Variants in SLX4IP observed in about 807,000 individuals in gnomAD.
The protein encoded by SLX4IP is protein SLX4IP.
A neutral mutation model predicts 32.9 loss-of-function variants in SLX4IP; 34 were observed. The ratio of observed to expected loss-of-function variants is 1.03; its 90% CI spans 0.79 to 1.38. The LOEUF is 1.38. Ranked by LOEUF, SLX4IP falls within the 40% of genes most tolerant of loss-of-function variation. The pLI is 0.00. For synonymous variants in SLX4IP, 172 were observed against 171.7 expected, an observed-to-expected ratio of 1.00 and a Z score of -0.01; for missense variants, 444 against 479.0, an observed-to-expected ratio of 0.93 and a Z score of 0.68.
At position 10,625,855 on chromosome 20, in the gene SLX4IP, C is replaced by T. The variant is rs2067165599; in HGVS notation, c.*2476C>T. ...TTTTTCTTGCACATGGCTGAAACAC[C>T]CCTGGCTCTCTTGTTATTTGAGTGG... On this transcript the variant is annotated 3_prime_UTR_variant, in exon 8 of 8. Coordinates refer to ENST00000334534, the MANE Select transcript of SLX4IP (RefSeq NM_001009608.3). 6.6e-6 allele frequency: 1 copy of T among 152,022 alleles called. No individual in the cohort carries two copies. The highest frequency in any genetic ancestry group is 1.9e-4 in the East Asian group (1 of 5,182). The allele number at this position is 152,022 out of a possible 1,614,324, so 9.4% of individuals were successfully genotyped here.
intron 2 of SLX4IP, among the ~76,000 whole-genome samples, chr20:10,466,717 TC>T (rs1795731674): frequency 6.6e-6 from 1 of 152,126 alleles, no homozygotes; most frequent in African/African-American, 2.4e-5. Context: ...TTACTTTTGC[TC>T]TTGATGGGGT....
At chr20:10,541,194 C>T (rs2066101905) in intron 2 of SLX4IP, among the ~76,000 whole-genome samples, 1 of 152,166 alleles carries the variant, frequency 6.6e-6, no homozygotes, top group Admixed American at 6.5e-5. Flanking sequence ...ACAAGGAAAA[C>T]ACCTTTAAAA....
chr20:10,551,524 T>G (rs2066218008), intron 2 of SLX4IP, among the ~76,000 whole-genome samples: 1 of 152,196 alleles, frequency 6.6e-6, no homozygotes, highest in Non-Finnish European at 1.5e-5. Context: ...AAGTATTCAC[T>G]GAGGGCTGGT....
chr20:10,514,662 G>A (rs566808714), intron 2 of SLX4IP, among the ~76,000 whole-genome samples: 4 of 152,230 alleles, frequency 2.6e-5, no homozygotes, highest in African/African-American at 4.8e-5. Flanking sequence ...AAGTTAACTT[G>A]TGTCAAATTG....
intron 4 of SLX4IP, among the ~76,000 whole-genome samples, chr20:10,568,407 A>T (rs911007371): frequency 1.3e-5 from 2 of 152,178 alleles, no homozygotes; most frequent in African/African-American, 4.8e-5. Context: ...GTTCACTGAG[A>T]TAGAAAAAAA....
At chr20:10,537,936 T>C (rs1354421524) in intron 2 of SLX4IP, among the ~76,000 whole-genome samples, 1 of 152,208 alleles carries the variant, frequency 6.6e-6, no homozygotes. Flanking sequence ...TTCATTGATT[T>C]AGGCCCTGTT....
chr20:10,513,075 G>C (rs1051412042), intron 2 of SLX4IP, among the ~76,000 whole-genome samples: 1 of 152,020 alleles, frequency 6.6e-6, no homozygotes. Flanking sequence ...TCCTAGTCCA[G>C]GAAGAGGTCC....
In SLX4IP at chr20:10,457,840, CT is replaced by C. The variant is rs111482953; in HGVS notation, c.-29-324del. On this transcript the variant is annotated intron_variant, in intron 1 of 7. Transcript: ENST00000334534. ...GCCATCTGAGCCTGTGCTTTTCTCT[CT>C]TTTTTTTTTTTCTTTCTGTAGAGAT... is the stretch of plus-strand genomic sequence containing the variant. Among the ~76,000 whole-genome samples, 529 of 145,178 alleles carry C rather than the reference CT, an allele frequency of 3.6e-3. 2 individuals are homozygous for C. The highest frequency in any genetic ancestry group is 0.011 in the African/African-American group (441 of 39,986).
At chr20:10,587,648 G>A (rs574280913) in intron 4 of SLX4IP, among the ~76,000 whole-genome samples, 2 of 152,138 alleles carry the variant, frequency 1.3e-5, no homozygotes, top group Non-Finnish European at 2.9e-5. Context: ...GCGTAAAAAT[G>A]GGCCCTAGAC....
At chr20:10,582,329 C>A (rs985445972) in intron 4 of SLX4IP, among the ~76,000 whole-genome samples, 1 of 152,076 alleles carries the variant, frequency 6.6e-6, no homozygotes, top group Admixed American at 6.6e-5. Flanking sequence ...CCCTCTGTTC[C>A]TGGTATTTCC....
At chr20:10,525,688 C>G (rs116402545) in intron 2 of SLX4IP, among the ~76,000 whole-genome samples, 2,034 of 152,250 alleles carry the variant, frequency 0.013, 46 homozygotes, top group African/African-American at 0.047. Context: ...AAATATTTTC[C>G]CACAATCAAA....
intron 2 of SLX4IP, among the ~76,000 whole-genome samples, chr20:10,474,677 G>A (rs996132397): frequency 3.9e-5 from 6 of 152,184 alleles, no homozygotes; most frequent in South Asian, 2.1e-4. Flanking sequence ...CACTTCCGCC[G>A]GCCGCCTTGT....
At chr20:10,561,419 T>C (rs1390426642) in intron 4 of SLX4IP, among the ~76,000 whole-genome samples, 1 of 152,144 alleles carries the variant, frequency 6.6e-6, no homozygotes, top group East Asian at 1.9e-4. Flanking sequence ...CAACTCTGAT[T>C]GTATGAGCTC....
chr20:10,509,624 A>G (rs953589966), intron 2 of SLX4IP, among the ~76,000 whole-genome samples: 2 of 152,086 alleles, frequency 1.3e-5, no homozygotes, highest in African/African-American at 2.4e-5. Flanking sequence ...ATCCAGAAAG[A>G]TGTTCATTGC....
chr20:10,618,603 C>CAG (rs1214679228), intron 6 of SLX4IP, among the ~76,000 whole-genome samples: 2 of 152,174 alleles, frequency 1.3e-5, no homozygotes, highest in Non-Finnish European at 2.9e-5. Context: ...TCCATGGACT[C>CAG]AGAATGTCCC....
At chr20:10,557,615 C>A (rs1283024775) in intron 3 of SLX4IP, among the ~76,000 whole-genome samples, 1 of 152,240 alleles carries the variant, frequency 6.6e-6, no homozygotes, top group Non-Finnish European at 1.5e-5. Flanking sequence ...ACCCCAAAAT[C>A]TTCTGACTTG....
chr20:10,612,903 T>G (rs2066984312), intron 6 of SLX4IP: 1 of 155,348 alleles, frequency 6.4e-6, no homozygotes, highest in African/African-American at 2.4e-5. Context: ...TATACAAATC[T>G]TACAAAAATG....
intron 1 of SLX4IP, among the ~76,000 whole-genome samples, chr20:10,448,237 T>A (rs1386622115): frequency 6.6e-6 from 1 of 151,572 alleles, no homozygotes; most frequent in Non-Finnish European, 1.5e-5. Flanking sequence ...GTGGGATGAT[T>A]TCCTTCTTAC....
chr20:10,471,762 G>T (rs1473611218), intron 2 of SLX4IP, among the ~76,000 whole-genome samples: 3 of 152,118 alleles, frequency 2.0e-5, no homozygotes, highest in African/African-American at 7.2e-5. Flanking sequence ...TTTGTCTTTG[G>T]CTGGGGTCAA....
Sources: allele counts gnomAD v4.1 joint callset (sites outside exome capture counted in the v4.1 genomes callset), GRCh38; gene constraint gnomAD v4.1.1; transcripts MANE v1.5; gene names NCBI Gene and HGNC (gene_info 2026-07-23, HGNC 2026-07-21).